The following LRRC3B variants were observed in gnomAD, a reference collection of about 807,000 sequenced individuals.
LRRC3B encodes the protein leucine rich repeat containing 3B.
A neutral mutation model predicts 12.8 loss-of-function variants in LRRC3B; 2 were observed. The ratio of observed to expected loss-of-function variants is 0.16; its 90% CI spans 0.06 to 0.49. The LOEUF (loss-of-function observed/expected upper bound fraction) is 0.49, where lower values mean the gene tolerates loss of function less well. Ranked by LOEUF, LRRC3B falls within the 20% of genes least tolerant of loss-of-function variation. The probability of loss-of-function intolerance (pLI) is 0.96; values close to 1 mark genes in which losing one functional copy is unlikely to be tolerated. For synonymous variants in LRRC3B, 132 were observed against 122.0 expected (o/e 1.08, Z -0.54); for missense variants, 189 against 319.4 (o/e 0.59, Z 3.11).
chr3:26,690,059 A>G (rs1021597104), intron 1 of LRRC3B, among the ~76,000 whole-genome samples: 1 of 152,172 alleles, frequency 6.6e-6, no homozygotes, highest in Non-Finnish European at 1.5e-5. Context: ...CACAAAGCAA[A>G]AGCCATAGGC....
At chr3:26,631,949 T>A (rs1288940670) in intron 1 of LRRC3B, among the ~76,000 whole-genome samples, 1 of 152,266 alleles carries the variant, frequency 6.6e-6, no homozygotes, top group Non-Finnish European at 1.5e-5. Flanking sequence ...CTCCATATGA[T>A]GTCTTCTCTG....
intron 1 of LRRC3B, among the ~76,000 whole-genome samples, chr3:26,670,020 G>T (rs1699687345): frequency 1.3e-5 from 2 of 152,006 alleles, no homozygotes; most frequent in African/African-American, 4.8e-5. Context: ...TCAACTTATT[G>T]GTATTAATAT....
intron 1 of LRRC3B, among the ~76,000 whole-genome samples, chr3:26,663,055 A>G (rs1429399322): frequency 6.6e-6 from 1 of 152,186 alleles, no homozygotes; most frequent in Non-Finnish European, 1.5e-5. Flanking sequence ...GTTGATTCCC[A>G]GTGCATCAGA....
At chr3:26,677,705 A>T (rs1481178975) in intron 1 of LRRC3B, among the ~76,000 whole-genome samples, 1 of 151,896 alleles carries the variant, frequency 6.6e-6, no homozygotes. Context: ...CCAAAGAAAC[A>T]CATGTATACA....
At chr3:26,701,870 CAA>C (rs112860807) in intron 1 of LRRC3B, among the ~76,000 whole-genome samples, 1 of 151,982 alleles carries the variant, frequency 6.6e-6, no homozygotes, top group African/African-American at 2.4e-5. Flanking sequence ...CCCTTAATTC[CAA>C]AAAAAGTTAT....
exon 2 of LRRC3B, chr3:26,710,222 C>G (rs998100430): frequency 6.2e-7 from 1 of 1,613,540 alleles, no homozygotes; most frequent in African/African-American, 1.3e-5. Flanking sequence ...TGCTGGCAGA[C>G]CATTCCTCAA....
intron 1 of LRRC3B, among the ~76,000 whole-genome samples, chr3:26,648,348 C>CT (rs1699195496): frequency 6.6e-6 from 1 of 152,010 alleles, no homozygotes; most frequent in African/African-American, 2.4e-5. Context: ...GTGGAAACCC[C>CT]TCCTTCCCTG....
intron 1 of LRRC3B, among the ~76,000 whole-genome samples, chr3:26,671,371 T>TGGAG (rs1553603747): frequency 2.8e-5 from 1 of 35,958 alleles, no homozygotes; most frequent in Non-Finnish European, 4.7e-5. Flanking sequence ...TATATATATA[T>TGGAG]ATAGAGAGAG....
At chr3:26,703,434 G>A (rs1193815586) in intron 1 of LRRC3B, among the ~76,000 whole-genome samples, 1 of 152,078 alleles carries the variant, frequency 6.6e-6, no homozygotes. Flanking sequence ...GAGACTCAAA[G>A]GCTGGCAGAG....
intron 1 of LRRC3B, among the ~76,000 whole-genome samples, chr3:26,642,814 C>T (rs1167058688): frequency 6.6e-6 from 1 of 152,034 alleles, no homozygotes; most frequent in Non-Finnish European, 1.5e-5. Flanking sequence ...GTCAGGAGAT[C>T]GAGGCCATCC....
In LRRC3B at chr3:26,665,875, A is replaced by G. The variant is rs558910265; in HGVS notation, c.-161+42638A>G. On this transcript the variant is annotated intron_variant, in intron 1 of 1. Coordinates refer to ENST00000396641, the Ensembl canonical transcript of LRRC3B. ...GCTCATGTCCTGGAAAATCTGTCTA[A>G]CTGGGTTCTTTGAAATAAATATAAG... 1.7e-3 allele frequency among the ~76,000 whole-genome samples: 260 copies of G among 152,300 alleles called. 1 individual carries two copies. Among genetic ancestry groups the G allele is most frequent in the Middle Eastern group, 3.4e-3 (1 of 292 alleles).
chr3:26,678,105 C>T (rs111867792), intron 1 of LRRC3B, among the ~76,000 whole-genome samples: 9,456 of 152,204 alleles, frequency 0.062, 979 homozygotes, highest in African/African-American at 0.21. Context: ...GTGTGAGCCA[C>T]CACGTCCAAC....
At chr3:26,627,378 G>A (rs2125397171) in intron 1 of LRRC3B, among the ~76,000 whole-genome samples, 1 of 152,220 alleles carries the variant, frequency 6.6e-6, no homozygotes, top group East Asian at 1.9e-4. Flanking sequence ...TGGAAACCTG[G>A]TGCCTTTTAG....
chr3:26,706,055 CAAGGTGCCAGAAG>C (rs1700579110), intron 1 of LRRC3B, among the ~76,000 whole-genome samples: 1 of 152,180 alleles, frequency 6.6e-6, no homozygotes, highest in Non-Finnish European at 1.5e-5. Context: ...AGCTCAACAT[CAAGGTGCCAGAAG>C]ATTTGGTTTC....
chr3:26,653,337 T>C (rs1175849634), intron 1 of LRRC3B, among the ~76,000 whole-genome samples: 1 of 149,688 alleles, frequency 6.7e-6, no homozygotes, highest in African/African-American at 2.5e-5. Context: ...CCAAGAAATC[T>C]AGAATTTCTG....
chr3:26,659,686 C>CA lies in LRRC3B; in HGVS notation c.-161+36457dup, dbSNP rs201710787. 6.1e-3 allele frequency among the ~76,000 whole-genome samples: 928 copies of CA among 151,610 alleles called. 4 individuals carry two copies. Among genetic ancestry groups the CA allele is most frequent in the African/African-American group, 0.021 (862 of 41,388 alleles). On this transcript the variant is annotated intron_variant, in intron 1 of 1. Transcript: ENST00000396641. ...TGGGACACACACATGAAAAACAATA[C>CA]AAAAAAAACCCTCTCTTCTTGGATT...
At chr3:26,708,519 C>G (rs57278495) in intron 1 of LRRC3B, among the ~76,000 whole-genome samples, 1 of 148,908 alleles carries the variant, frequency 6.7e-6, no homozygotes, top group Non-Finnish European at 1.5e-5. Flanking sequence ...TAAGTAACCT[C>G]ATCTCTCTGG....
chr3:26,669,252 C>A (rs1435877705), intron 1 of LRRC3B, among the ~76,000 whole-genome samples: 1 of 152,100 alleles, frequency 6.6e-6, no homozygotes, highest in Non-Finnish European at 1.5e-5. Flanking sequence ...GAGTGTCGTG[C>A]AGAGCTATTG....
At chr3:26,638,591 G>A (rs1698954305) in intron 1 of LRRC3B, among the ~76,000 whole-genome samples, 1 of 152,126 alleles carries the variant, frequency 6.6e-6, no homozygotes, top group South Asian at 2.1e-4. Context: ...CTGCAGATGG[G>A]ATTATAAAAA....
Sources: gnomAD v4.1 joint callset for allele counts (sites outside exome capture counted in the v4.1 genomes callset) on GRCh38, gnomAD v4.1.1 for gene constraint, MANE v1.5 for transcripts, NCBI Gene and HGNC (gene_info 2026-07-23, HGNC 2026-07-21) for gene names.